The following CCDC148 variants were observed in gnomAD, a reference collection of about 807,000 sequenced individuals.
CCDC148 encodes the protein coiled-coil domain-containing protein 148.
Under a neutral mutation model 85.7 loss-of-function variants are expected in CCDC148, and 89 were observed. The observed-to-expected ratio is 1.04, with a 90% CI of 0.87 to 1.24. The LOEUF is 1.24. Among genes scored for constraint, CCDC148 ranks in the 50% most tolerant of loss-of-function variants. The pLI is 0.00. For synonymous variants in CCDC148, 230 were observed against 213.9 expected (o/e 1.08, Z -0.66); for missense variants, 692 against 671.7 (o/e 1.03, Z -0.33).
rs887252064 is a variant in CCDC148 at position 158,171,218 on chromosome 2, A to T, written c.*895T>A. 1.3e-5 allele frequency: 2 copies of T among 151,654 alleles called. No individual in the cohort carries two copies. The highest frequency in any genetic ancestry group is 1.5e-5 in the Non-Finnish European group (1 of 67,880). 9.4% of individuals were successfully genotyped at this position (151,654 alleles called of 1,614,324 possible). On this transcript the variant is annotated 3_prime_UTR_variant, in exon 14 of 14. Coordinates refer to ENST00000283233, the MANE Select transcript of CCDC148 (RefSeq NM_138803.4). ...TTCCAGTAATTGCACAGAGGCTGCA[A>T]CCCCTGGGAGGTAGGTGGGAAATGT... is the stretch of plus-strand genomic sequence containing the variant.
intron 1 of CCDC148, among the ~76,000 whole-genome samples, chr2:158,434,076 T>C (rs1425936988): frequency 6.6e-6 from 1 of 152,120 alleles, no homozygotes; most frequent in Non-Finnish European, 1.5e-5. Context: ...CAGCAGAAAC[T>C]TCTACAAACT....
chr2:158,405,012 G>A lies in CCDC148; in HGVS notation c.26-46442C>T, dbSNP rs113829131. ...AACTGGAAAAATAAGTCAGCAGCAA[G>A]GTTAAAAGGCGTTGTGGGCAGAATT... On this transcript the variant is annotated intron_variant, in intron 1 of 13. Transcript: ENST00000283233. 2.7e-3 allele frequency among the ~76,000 whole-genome samples: 414 copies of A among 152,240 alleles called. 1 individual carries two copies. Among genetic ancestry groups the A allele is most frequent in the African/African-American group, 9.3e-3 (386 of 41,558 alleles).
intron 1 of CCDC148, among the ~76,000 whole-genome samples, chr2:158,446,867 T>C (rs1688177342): frequency 6.6e-6 from 1 of 152,188 alleles, no homozygotes; most frequent in Non-Finnish European, 1.5e-5. Flanking sequence ...ATCATACAAA[T>C]GAGGCCTCTT....
intron 1 of CCDC148, among the ~76,000 whole-genome samples, chr2:158,423,347 T>G (rs1686900980): frequency 6.6e-6 from 1 of 152,186 alleles, no homozygotes; most frequent in Non-Finnish European, 1.5e-5. Flanking sequence ...AAGGCTACAG[T>G]AACCAAAACA....
chr2:158,238,700 C>T (rs1310944290), intron 10 of CCDC148, among the ~76,000 whole-genome samples: 1 of 151,946 alleles, frequency 6.6e-6, no homozygotes. Flanking sequence ...TTTTAGAACA[C>T]AAAAGAAATT....
intron 2 of CCDC148, among the ~76,000 whole-genome samples, chr2:158,350,774 G>T (rs1225460410): frequency 6.6e-6 from 1 of 151,900 alleles, no homozygotes; most frequent in South Asian, 2.1e-4. Flanking sequence ...TATTGTAATT[G>T]TGCATATTTA....
intron 7 of CCDC148, among the ~76,000 whole-genome samples, chr2:158,329,282 C>T (rs958577469): frequency 6.6e-6 from 1 of 152,172 alleles, no homozygotes; most frequent in African/African-American, 2.4e-5. Flanking sequence ...ATCCTTTCCC[C>T]ATTGCTTGTT....
chr2:158,350,320 T>C (rs1683198526), intron 2 of CCDC148, among the ~76,000 whole-genome samples: 4 of 152,214 alleles, frequency 2.6e-5, no homozygotes, highest in African/African-American at 9.6e-5. Flanking sequence ...TCAACCATTC[T>C]ACATTCAGCC....
intron 1 of CCDC148, among the ~76,000 whole-genome samples, chr2:158,449,277 T>C (rs1688293615): frequency 6.6e-6 from 1 of 152,224 alleles, no homozygotes; most frequent in Non-Finnish European, 1.5e-5. Flanking sequence ...TCAAGTAATC[T>C]GTAAATAAAG....
rs77734984 is a variant in CCDC148 at position 158,238,510 on chromosome 2, G to A, written c.1251+12262C>T. On this transcript the variant is annotated intron_variant, in intron 10 of 13. Transcript: ENST00000283233. ...AACAAAAGAATGGCACTGAGGAGGC[G>A]ATGAAGAAGGTATTTTTTATCTGTT... Among the ~76,000 whole-genome samples the A allele has an allele frequency of 3.7e-3, 570 of 152,218 alleles. 4 individuals are homozygous for A. Among genetic ancestry groups the A allele is most frequent in the African/African-American group, 0.013 (549 of 41,540 alleles).
At chr2:158,273,399 C>T (rs899104078) in intron 9 of CCDC148, among the ~76,000 whole-genome samples, 2 of 152,050 alleles carry the variant, frequency 1.3e-5, no homozygotes, top group East Asian at 3.9e-4. Context: ...AATGTTATTG[C>T]CTCCTCATGC....
chr2:158,293,364 G>A (rs1690985672), intron 9 of CCDC148, among the ~76,000 whole-genome samples: 1 of 152,178 alleles, frequency 6.6e-6, no homozygotes, highest in Admixed American at 6.5e-5. Flanking sequence ...ATATGATATT[G>A]CTGATATTAT....
intron 11 of CCDC148, among the ~76,000 whole-genome samples, chr2:158,214,041 G>T (rs538090844): frequency 4.1e-4 from 62 of 150,870 alleles, no homozygotes; most frequent in South Asian, 1.5e-3. Flanking sequence ...GGGCTAAGTG[G>T]CAACGTTTTG....
intron 1 of CCDC148, among the ~76,000 whole-genome samples, chr2:158,445,605 A>G (rs1688126367): frequency 6.6e-6 from 1 of 152,214 alleles, no homozygotes; most frequent in African/African-American, 2.4e-5. Context: ...TAAAACGACA[A>G]CAAAATACAC....
At chr2:158,434,243 T>C (rs1459142912) in intron 1 of CCDC148, among the ~76,000 whole-genome samples, 1 of 152,102 alleles carries the variant, frequency 6.6e-6, no homozygotes, top group African/African-American at 2.4e-5. Flanking sequence ...TGACACCTGA[T>C]ACAGCCAGGT....
In CCDC148 at chr2:158,179,166, A is replaced by ATTTTTTTTTTTTTTTTTTTTTT. The variant is rs10699879; in HGVS notation, c.1371-192_1371-171dup. On this transcript the variant is annotated intron_variant, in intron 11 of 13. Transcript: ENST00000283233. ...ATAAAAGACACTCATATAAAATGCA[A>ATTTTTTTTTTTTTTTTTTTTTT]TTTTTTTTTTTTTTTTTTTTTTTGA... Among the ~76,000 whole-genome samples, 3 of 82,824 alleles carry ATTTTTTTTTTTTTTTTTTTTTT rather than the reference A, an allele frequency of 3.6e-5. 1 individual carries two copies. Among genetic ancestry groups the ATTTTTTTTTTTTTTTTTTTTTT allele is most frequent in the Admixed American group, 1.9e-4 (1 of 5,180 alleles). 54.3% of individuals were successfully genotyped at this position (82,824 alleles called of 152,430 possible). A position where few individuals can be genotyped will look rare whatever the true frequency, so the allele number is the denominator to read the frequency against.
chr2:158,444,982 A>T (rs1446798293), intron 1 of CCDC148, among the ~76,000 whole-genome samples: 3 of 152,132 alleles, frequency 2.0e-5, no homozygotes, highest in Non-Finnish European at 4.4e-5. Context: ...ACTCTTAGAT[A>T]CAGAAGCCTT....
At chr2:158,319,606 T>C (rs1376691977) in intron 7 of CCDC148, among the ~76,000 whole-genome samples, 2 of 152,230 alleles carry the variant, frequency 1.3e-5, no homozygotes, top group Non-Finnish European at 2.9e-5. Flanking sequence ...CTAGACTTCT[T>C]GTTAAATAAG....
intron 9 of CCDC148, among the ~76,000 whole-genome samples, chr2:158,280,509 A>G (rs1226497150): frequency 1.3e-5 from 2 of 152,222 alleles, no homozygotes; most frequent in African/African-American, 4.8e-5. Context: ...TTAAACCAAC[A>G]AAGATCAAAA....
Sources: allele counts gnomAD v4.1 joint callset (sites outside exome capture counted in the v4.1 genomes callset), GRCh38; gene constraint gnomAD v4.1.1; transcripts MANE v1.5; gene names NCBI Gene and HGNC (gene_info 2026-07-23, HGNC 2026-07-21).